MTA3: variants seen among roughly 807,000 people sequenced by gnomAD.
MTA3 encodes metastasis-associated protein MTA3.
A neutral mutation model predicts 83.5 loss-of-function variants in MTA3; 34 were observed. The observed-to-expected ratio is 0.41, with a 90% CI of 0.31 to 0.54. The LOEUF (loss-of-function observed/expected upper bound fraction) is 0.54, where lower values mean the gene tolerates loss of function less well. MTA3 is among the 20% of genes least tolerant of loss of function. The pLI, the probability that MTA3 is intolerant of heterozygous loss-of-function variation, is 0.33. For missense variants in MTA3, 761 were observed against 726.4 expected, an observed-to-expected ratio of 1.05 and a Z score of -0.55; for synonymous variants, 303 against 252.7, an observed-to-expected ratio of 1.20 and a Z score of -1.89.
chr2:42,729,113 T>TTTTTTAA (rs1573784154), intron 16 of MTA3, among the ~76,000 whole-genome samples: 1 of 142,528 alleles, frequency 7.0e-6, no homozygotes, highest in East Asian at 2.0e-4. Context: ...TTTTTTTTTT[T>TTTTTTAA]CACAGAGTCA....
At chr2:42,563,416 G>C (rs1006855605) in intron 2 of MTA3, among the ~76,000 whole-genome samples, 3 of 152,144 alleles carry the variant, frequency 2.0e-5, no homozygotes, top group African/African-American at 7.2e-5. Flanking sequence ...TGATTCGCCT[G>C]CCTTAGCTTC....
chr2:42,690,128 C>T (rs1439412808), intron 9 of MTA3, among the ~76,000 whole-genome samples: 1 of 152,102 alleles, frequency 6.6e-6, no homozygotes, highest in Non-Finnish European at 1.5e-5. Flanking sequence ...TGAATAGCTA[C>T]TGCACTCCAG....
intron 16 of MTA3, among the ~76,000 whole-genome samples, chr2:42,751,294 A>C (rs969850097): frequency 3.3e-5 from 5 of 152,242 alleles, no homozygotes; most frequent in African/African-American, 4.8e-5. Context: ...CAGGGCGAGT[A>C]CGTACCAAAG....
At chr2:42,609,706 A>G (rs1683948006) in intron 4 of MTA3, 122 bp downstream of exon 4, 2 of 1,135,756 alleles carry the variant, frequency 1.8e-6, no homozygotes, top group Non-Finnish European at 2.4e-6. Context: ...TAAAGGCTTC[A>G]TAATGGAATT....
At chr2:42,541,031 ATTT>A (rs1203752843) in intron 2 of MTA3, among the ~76,000 whole-genome samples, 2 of 139,908 alleles carry the variant, frequency 1.4e-5, no homozygotes. Context: ...CTTACTTCAA[ATTT>A]TTTTTTTTTT....
intron 15 of MTA3, among the ~76,000 whole-genome samples, chr2:42,719,860 A>C (rs1001095124): frequency 6.6e-6 from 1 of 152,206 alleles, no homozygotes; most frequent in Non-Finnish European, 1.5e-5. Flanking sequence ...TGTTTAAACA[A>C]AGTTTTAAGA....
At chr2:42,596,514 ATAT>A (rs1204651570) in intron 3 of MTA3, among the ~76,000 whole-genome samples, 1 of 152,198 alleles carries the variant, frequency 6.6e-6, no homozygotes, top group Non-Finnish European at 1.5e-5. Context: ...TCAACTGTAA[ATAT>A]TATAAAGGTT....
chr2:42,623,581 G>C (rs1685782945), intron 4 of MTA3, among the ~76,000 whole-genome samples: 1 of 151,952 alleles, frequency 6.6e-6, no homozygotes, highest in Middle Eastern at 3.4e-3. Context: ...CTTTTTCCTT[G>C]GCTAGTTTTT....
chr2:42,550,396 A>G (rs1275761979), intron 2 of MTA3, among the ~76,000 whole-genome samples: 2 of 152,216 alleles, frequency 1.3e-5, no homozygotes, highest in East Asian at 1.9e-4. Context: ...CTTGGAAAGC[A>G]TCTCCGAAGA....
Position 42,755,086 on chromosome 2 carries a change from A to C in MTA3, c.*1687A>C, listed in dbSNP as rs376774633. 45 of 985,536 alleles carry C rather than the reference A, an allele frequency of 4.6e-5. No individual in the cohort carries two copies. In the East Asian group the frequency reaches 3.0e-3, roughly 65 times the overall value. 61.0% of individuals were successfully genotyped at this position (985,536 alleles called of 1,614,324 possible). ...GAGGTGGCAGGCAGGGGTTCTCCTC[A>C]GGGTTCCCACTGAGGGGTCCCTTCA... On this transcript the variant is annotated 3_prime_UTR_variant, in exon 17 of 17. Coordinates refer to ENST00000405094, the MANE Select transcript of MTA3 (RefSeq NM_001330442.2).
chr2:42,744,249 T>C lies in MTA3; in HGVS notation c.1760-9125T>C, dbSNP rs193145950. 7.2e-5 allele frequency among the ~76,000 whole-genome samples: 11 copies of C among 152,288 alleles called. No individual in the cohort carries two copies. In the East Asian group the frequency reaches 2.1e-3, roughly 29 times the overall value. ...CAGATCCAATTGCATTCGGCATAAGTAGTCAACAACTTAGTGTTTTAGAAT... is the reference window on the plus strand; with the variant it reads ...CAGATCCAATTGCATTCGGCATAAGCAGTCAACAACTTAGTGTTTTAGAAT... On this transcript the variant is annotated intron_variant, in intron 16 of 16. Coordinates refer to ENST00000405094, the MANE Select transcript of MTA3 (RefSeq NM_001330442.2).
chr2:42,594,524 C>G (rs1029251172), intron 3 of MTA3, among the ~76,000 whole-genome samples: 1 of 150,446 alleles, frequency 6.6e-6, no homozygotes, highest in African/African-American at 2.4e-5. Flanking sequence ...AGGTGGGAGC[C>G]ACTGCACCAG....
At position 42,530,502 on chromosome 2, in the gene MTA3, G is replaced by C. The variant is rs1558417249; in HGVS notation, c.-141+35248G>C. On this transcript the variant is annotated intron_variant, in intron 2 of 17. Transcript: ENST00000405592. ...ACTCCGTCTCAAAGGAAAAAAAAAA[G>C]GGCTGGGAGCGGTGGCTCATGCCTG... 2.0e-5 allele frequency among the ~76,000 whole-genome samples: 3 copies of C among 150,946 alleles called. No homozygotes were observed. In the East Asian group the frequency reaches 5.9e-4, roughly 30 times the overall value.
At chr2:42,645,398 G>T (rs1030687669) in intron 6 of MTA3, among the ~76,000 whole-genome samples, 2 of 152,066 alleles carry the variant, frequency 1.3e-5, no homozygotes, top group African/African-American at 4.8e-5. Context: ...GATGGTGTGT[G>T]CCTGTATTCC....
chr2:42,705,325 A>G (rs1479507505), intron 12 of MTA3, among the ~76,000 whole-genome samples: 2 of 152,206 alleles, frequency 1.3e-5, no homozygotes, highest in Non-Finnish European at 2.9e-5. Flanking sequence ...TTGAATTGGG[A>G]ATTCTTGGAT....
chr2:42,595,543 C>T (rs1398792785), intron 3 of MTA3, among the ~76,000 whole-genome samples: 1 of 152,066 alleles, frequency 6.6e-6, no homozygotes, highest in Non-Finnish European at 1.5e-5. Flanking sequence ...TTAGTTACTC[C>T]AATAAAGGAA....
At chr2:42,688,937 T>A (rs1692639203) in intron 9 of MTA3, among the ~76,000 whole-genome samples, 1 of 152,214 alleles carries the variant, frequency 6.6e-6, no homozygotes, top group African/African-American at 2.4e-5. Context: ...ATTTTTTTAC[T>A]ATTACATGTG....
intron 2 of MTA3, among the ~76,000 whole-genome samples, chr2:42,573,840 A>T (rs1351232962): frequency 1.3e-5 from 2 of 149,744 alleles, no homozygotes; most frequent in Non-Finnish European, 3.0e-5. Context: ...CTTTTTTGAG[A>T]TGGAGTCTCG....
intron 16 of MTA3, among the ~76,000 whole-genome samples, chr2:42,726,650 G>C (rs1017038035): frequency 1.3e-5 from 2 of 152,154 alleles, no homozygotes; most frequent in Non-Finnish European, 2.9e-5. Flanking sequence ...TGATGGGAAA[G>C]GAGTCTGTGA....
Sources: gnomAD v4.1 joint callset for allele counts (sites outside exome capture counted in the v4.1 genomes callset) on GRCh38, gnomAD v4.1.1 for gene constraint, MANE v1.5 for transcripts, NCBI Gene and HGNC (gene_info 2026-07-23, HGNC 2026-07-21) for gene names.